Variants in COL28A1 observed in about 807,000 individuals in gnomAD.
The protein encoded by COL28A1 is collagen alpha-1(XXVIII) chain.
Under a neutral mutation model 150.2 loss-of-function variants are expected in COL28A1, and 161 were observed. The ratio of observed to expected loss-of-function variants is 1.07; its 90% CI spans 0.94 to 1.22. The LOEUF is 1.22. Among genes scored for constraint, COL28A1 ranks in the 50% most tolerant of loss-of-function variants. The pLI is 0.00. For missense variants in COL28A1, 1,617 were observed against 1,388.3 expected (o/e 1.16, Z -2.62); for synonymous variants, 552 against 469.7 (o/e 1.18, Z -2.26).
intron 33 of COL28A1, among the ~76,000 whole-genome samples, chr7:7,365,723 T>A (rs1780901463): frequency 6.6e-6 from 1 of 152,228 alleles, no homozygotes; most frequent in Non-Finnish European, 1.5e-5. Context: ...AGTGTTTGTG[T>A]TAAGACTTAG....
At chr7:7,431,820 C>T (rs1362027117) in intron 25 of COL28A1, among the ~76,000 whole-genome samples, 1 of 152,014 alleles carries the variant, frequency 6.6e-6, no homozygotes, top group African/African-American at 2.4e-5. Context: ...GTCTGCCTGG[C>T]AGAAGCAGAA....
rs867040166 is a variant in COL28A1 at position 7,502,580 on chromosome 7, T to C, written c.1026+3434A>G. On this transcript the variant is annotated intron_variant, in intron 11 of 34. Coordinates refer to ENST00000399429, the MANE Select transcript of COL28A1 (RefSeq NM_001037763.3). Reference sequence around the variant, plus strand: ...CTATCTAGAACCTCTCGTGGAATCTTTGCAAATGTTGCAAGTTTAAAGGTT... The same window carrying C: ...CTATCTAGAACCTCTCGTGGAATCTCTGCAAATGTTGCAAGTTTAAAGGTT... Among the ~76,000 whole-genome samples, 73 of 152,194 alleles carry C rather than the reference T, an allele frequency of 4.8e-4. 1 individual carries two copies. The highest frequency in any genetic ancestry group is 1.6e-3 in the African/African-American group (65 of 41,440).
At position 7,375,441 on chromosome 7, in the gene COL28A1, T is replaced by C; in HGVS notation, c.2359+20A>G. On this transcript the variant is annotated intron_variant, in intron 31 of 34. Transcript: ENST00000399429. ...GGGCTGATGCTTTAAAGTGATGTTT[T>C]TTCCTTGATCAAATCTTACCACATA... 1 of 1,573,036 alleles carries C rather than the reference T, an allele frequency of 6.4e-7. No individual in the cohort carries two copies. The highest frequency in any genetic ancestry group is 8.7e-7 in the Non-Finnish European group (1 of 1,152,372).
intron 27 of COL28A1, among the ~76,000 whole-genome samples, chr7:7,405,925 T>C (rs1188007684): frequency 6.6e-6 from 1 of 152,128 alleles, no homozygotes; most frequent in East Asian, 1.9e-4. Flanking sequence ...ACTAAATATA[T>C]ACCCTATCAT....
intron 27 of COL28A1, among the ~76,000 whole-genome samples, chr7:7,383,694 AT>A (rs1782019300): frequency 1.4e-5 from 2 of 143,604 alleles, no homozygotes; most frequent in African/African-American, 5.2e-5. Context: ...ATATATATAT[AT>A]ATATATATGT....
At chr7:7,340,602 T>C in the COL28A1 span, among the ~76,000 whole-genome samples, 1 of 152,142 alleles carries the variant, frequency 6.6e-6, no homozygotes, top group Non-Finnish European at 1.5e-5. Flanking sequence ...TATTAATGAT[T>C]TGCACTTAGA....
chr7:7,531,372 A>T lies in COL28A1; in HGVS notation c.657T>A (p.Leu219=). Residue 219 remains leucine (L), a synonymous_variant, in exon 3 of 35, where the codon CTT becomes CTA. Transcript: ENST00000399429. ...EPTLLLSDPT[L]VDKIQDRLDI... ...CCAGACGATCTTGAATTTTATCTACAAGGGTTGGATCACTCAACAGTAAAG... is the reference window on the plus strand; with the variant it reads ...CCAGACGATCTTGAATTTTATCTACTAGGGTTGGATCACTCAACAGTAAAG... 1 of 1,546,260 alleles carries T rather than the reference A, an allele frequency of 6.5e-7. No homozygotes were observed. The highest frequency in any genetic ancestry group is 8.8e-7 in the Non-Finnish European group (1 of 1,134,562).
chr7:7,504,832 C>A (rs1367933799), intron 11 of COL28A1, among the ~76,000 whole-genome samples: 2 of 152,190 alleles, frequency 1.3e-5, no homozygotes, highest in Non-Finnish European at 2.9e-5. Flanking sequence ...TGACTGTAAG[C>A]CTCTTTCTCA....
At chr7:7,398,009 CCT>C (rs1440584076) in intron 27 of COL28A1, among the ~76,000 whole-genome samples, 1 of 152,138 alleles carries the variant, frequency 6.6e-6, no homozygotes, top group Non-Finnish European at 1.5e-5. Context: ...TTGAATTGGA[CCT>C]TTGACCAATC....
At chr7:7,480,118 T>G (rs1434520210) in intron 13 of COL28A1, among the ~76,000 whole-genome samples, 1 of 152,176 alleles carries the variant, frequency 6.6e-6, no homozygotes, top group Non-Finnish European at 1.5e-5. Context: ...TTAAGACGCT[T>G]TTCTCCTCAA....
chr7:7,451,286 C>G (rs1349225077), intron 18 of COL28A1, among the ~76,000 whole-genome samples: 1 of 151,366 alleles, frequency 6.6e-6, no homozygotes, highest in East Asian at 1.9e-4. Flanking sequence ...AGTGCAGTGG[C>G]GCGATCTCAG....
chr7:7,345,075 CTT>C, the COL28A1 span, among the ~76,000 whole-genome samples: 4 of 151,872 alleles, frequency 2.6e-5, no homozygotes, highest in African/African-American at 9.7e-5. Flanking sequence ...GGGGCGTTCT[CTT>C]TTGTGTGATA....
At chr7:7,368,398 G>GTTTTTTTT (rs200123294) in intron 33 of COL28A1, among the ~76,000 whole-genome samples, 6 of 97,826 alleles carry the variant, frequency 6.1e-5, no homozygotes, top group African/African-American at 2.9e-4. Context: ...TGTTTTTTTT[G>GTTTTTTTT]TTTTTTGCTA....
chr7:7,453,752 C>A (rs1197826396), intron 16 of COL28A1, among the ~76,000 whole-genome samples: 2 of 149,446 alleles, frequency 1.3e-5, no homozygotes, highest in East Asian at 3.8e-4. Flanking sequence ...GTCCCTGTTG[C>A]AGCCAGGCGT....
At chr7:7,532,999 G>C (rs1466801117) in intron 1 of COL28A1, 87 bp from the exon 2 acceptor site, 1 of 1,284,780 alleles carries the variant, frequency 7.8e-7, no homozygotes, top group African/African-American at 1.5e-5. Context: ...TTGAAAACTG[G>C]CATGTGACTG....
intron 13 of COL28A1, among the ~76,000 whole-genome samples, chr7:7,482,969 G>A (rs1181187762): frequency 6.6e-6 from 1 of 152,152 alleles, no homozygotes; most frequent in Admixed American, 6.6e-5. Context: ...AGGAACAGCA[G>A]CAAAGACTTT....
chr7:7,419,981 A>G lies in COL28A1; in HGVS notation c.1999-28T>C, dbSNP rs764122680. 5 of 1,502,796 alleles carry G rather than the reference A, an allele frequency of 3.3e-6. No individual in the cohort carries two copies. In the Admixed American group the frequency reaches 1.1e-4, roughly 33 times the overall value. The allele number at this position is 1,502,796 out of a possible 1,614,324, so 93.1% of individuals were successfully genotyped here. On this transcript the variant is annotated intron_variant, in intron 25 of 34. Coordinates refer to ENST00000399429, the MANE Select transcript of COL28A1 (RefSeq NM_001037763.3). The stretch of plus-strand genomic sequence containing the variant: ...GAAAAGACACAACAAATAACAAGTT[A>G]CTAATTTTTTAAAGACTTTATGTTT...
chr7:7,486,532 AT>A (rs1245968566), intron 13 of COL28A1, among the ~76,000 whole-genome samples: 2 of 152,174 alleles, frequency 1.3e-5, no homozygotes, highest in Non-Finnish European at 2.9e-5. Flanking sequence ...AGAGGGATGC[AT>A]TCACTCTTTC....
chr7:7,473,610 G>A (rs1341157009), intron 15 of COL28A1, among the ~76,000 whole-genome samples: 2 of 152,160 alleles, frequency 1.3e-5, no homozygotes, highest in Non-Finnish European at 2.9e-5. Context: ...AGTACAACCA[G>A]TATGGAAAAC....
Sources: allele counts gnomAD v4.1 joint callset (sites outside exome capture counted in the v4.1 genomes callset), GRCh38; gene constraint gnomAD v4.1.1; transcripts MANE v1.5; gene names NCBI Gene and HGNC (gene_info 2026-07-23, HGNC 2026-07-21).